The following ADGRV1 variants were observed in gnomAD, a reference collection of about 807,000 sequenced individuals.
ADGRV1 encodes the protein G-protein coupled receptor 98.
Under a neutral mutation model 596.2 loss-of-function variants are expected in ADGRV1, and 359 were observed. That is an observed-to-expected ratio of 0.60 (90% CI 0.55 to 0.66). ADGRV1 has a LOEUF of 0.66. ADGRV1 is among the 30% of genes least tolerant of loss of function. ADGRV1 has a pLI of 0.00. For missense variants in ADGRV1, 7,274 were observed against 7,575.6 expected, an observed-to-expected ratio of 0.96 and a Z score of 1.48; for synonymous variants, 2,681 against 2,679.2, an observed-to-expected ratio of 1.00 and a Z score of -0.02.
rs1205045881 is a variant in ADGRV1 at position 91,134,194 on chromosome 5, T to C, written c.18433-15836T>C. Among the ~76,000 whole-genome samples the C allele has an allele frequency of 1.3e-4, 20 of 151,932 alleles. 1 individual carries two copies. Among genetic ancestry groups the C allele is most frequent in the Admixed American group, 1.3e-3 (20 of 15,250 alleles). On this transcript the variant is annotated intron_variant, in intron 87 of 89. Coordinates refer to ENST00000405460, the MANE Select transcript of ADGRV1 (RefSeq NM_032119.4). ...GGAATGACCTGCTGTTTCTTTCTTT[T>C]TTTTTTTTTTAAAGACAGAGTCACA...
chr5:90,574,542 C>G (rs1169983150), intron 1 of ADGRV1, among the ~76,000 whole-genome samples: 2 of 151,994 alleles, frequency 1.3e-5, no homozygotes, highest in African/African-American at 4.8e-5. Context: ...TTCTAGGAGC[C>G]TTTTTGTGGA....
intron 85 of ADGRV1, among the ~76,000 whole-genome samples, chr5:91,070,986 G>A (rs1015945061): frequency 2.0e-5 from 3 of 152,132 alleles, no homozygotes; most frequent in Non-Finnish European, 2.9e-5. Flanking sequence ...GTTTCCAAAG[G>A]ATTCTGGAGC....
Position 90,683,642 on chromosome 5 carries a change from T to A in ADGRV1, c.5721T>A (p.Ser1907=). 1.9e-6 allele frequency: 3 copies of A among 1,612,880 alleles called. No homozygotes were observed. Among genetic ancestry groups the A allele is most frequent in the Non-Finnish European group, 2.5e-6 (3 of 1,179,026 alleles). ...SPVTLHWNID[S]DPDGDLAFTS... ...TGACTTTGCATTGGAACATAGACTCTGATCCTGATGGTGATCTCGCCTTCA... is the reference window on the plus strand; with the variant it reads ...TGACTTTGCATTGGAACATAGACTCAGATCCTGATGGTGATCTCGCCTTCA... Residue 1907 remains serine, a synonymous_variant, in exon 28 of 90, where the codon TCT becomes TCA. Coordinates refer to ENST00000405460, the MANE Select transcript of ADGRV1 (RefSeq NM_032119.4).
intron 70 of ADGRV1, among the ~76,000 whole-genome samples, chr5:90,798,199 G>T (rs1167862865): frequency 1.3e-5 from 2 of 152,080 alleles, no homozygotes; most frequent in East Asian, 3.9e-4. Flanking sequence ...AAGAAGAAAA[G>T]AGAGAAGAAT....
intron 87 of ADGRV1, among the ~76,000 whole-genome samples, chr5:91,123,987 C>T (rs1357406303): frequency 6.6e-6 from 1 of 152,068 alleles, no homozygotes; most frequent in Non-Finnish European, 1.5e-5. Context: ...GAGCGAAGGG[C>T]AGGCCAGTGG....
intron 1 of ADGRV1, among the ~76,000 whole-genome samples, chr5:90,588,156 C>T (rs559254778): frequency 1.1e-4 from 17 of 152,134 alleles, no homozygotes; most frequent in Non-Finnish European, 1.3e-4. Context: ...TATTCAGTTG[C>T]TTTATTTCAG....
intron 85 of ADGRV1, among the ~76,000 whole-genome samples, chr5:91,051,750 C>T (rs537365880): frequency 3.3e-5 from 5 of 151,594 alleles, no homozygotes; most frequent in African/African-American, 7.3e-5. Flanking sequence ...GGTTTCACGA[C>T]GTTAGCCAGG....
At chr5:90,896,573 C>A (rs1184770398) in intron 83 of ADGRV1, among the ~76,000 whole-genome samples, 2 of 151,948 alleles carry the variant, frequency 1.3e-5, no homozygotes, top group Non-Finnish European at 2.9e-5. Context: ...CTGCACCTGG[C>A]TGATTTGTTA....
In ADGRV1 at chr5:91,033,971, C is replaced by G. The variant is rs1671116875; in HGVS notation, c.18153-38476C>G. ...TTATTCAGAGACATTGTTCATTTAA[C>G]ATTTCTTTTTCTCTTATTTAAAGTC... On this transcript the variant is annotated intron_variant, in intron 85 of 89. Transcript: ENST00000405460. Among the ~76,000 whole-genome samples, 3 of 152,228 alleles carry G rather than the reference C, an allele frequency of 2.0e-5. No homozygotes were observed. The South Asian group carries it at 6.2e-4, about 32-fold the overall frequency.
In ADGRV1 at chr5:90,755,667, A is replaced by G. The variant is rs191423025; in HGVS notation, c.11580+482A>G. 2.6e-3 allele frequency among the ~76,000 whole-genome samples: 395 copies of G among 151,646 alleles called. 3 individuals are homozygous for G. The highest frequency in any genetic ancestry group is 9.0e-3 in the African/African-American group (371 of 41,174). ...TATTTATCCATGTATGTATGGAGAG[A>G]GAGAGAAGAACAGAGAAAGAGAGGG... On this transcript the variant is annotated intron_variant, in intron 55 of 89. Coordinates refer to ENST00000405460, the MANE Select transcript of ADGRV1 (RefSeq NM_032119.4).
chr5:90,812,758 G>A (rs760840819), intron 74 of ADGRV1, among the ~76,000 whole-genome samples: 4 of 152,078 alleles, frequency 2.6e-5, no homozygotes, highest in Non-Finnish European at 4.4e-5. Context: ...GAAGTGTGTT[G>A]TAAATTCTTA....
chr5:90,705,423 C>T lies in ADGRV1; in HGVS notation c.8410C>T (p.Leu2804=), dbSNP rs754923357. Residue 2804 remains leucine, a synonymous_variant, in exon 37 of 90, where the codon CTG becomes TTG. Transcript: ENST00000405460. Reference sequence around the variant, plus strand: ...AGGAGTTCCACCAGCCGGAATCGCCCTGCTTGATGCTCAAGGATATGCAGC... The same window carrying T: ...AGGAGTTCCACCAGCCGGAATCGCCTTGCTTGATGCTCAAGGATATGCAGC... ...TQGVPPAGIA[L]LDAQGYAAVL... is the part of the protein sequence containing the mutation. 6.2e-7 allele frequency: 1 copy of T among 1,613,776 alleles called. No individual in the cohort carries two copies. The highest frequency in any genetic ancestry group is 1.1e-5 in the South Asian group (1 of 91,054).
At chr5:90,821,173 C>T (rs1199429154) in intron 75 of ADGRV1, among the ~76,000 whole-genome samples, 1 of 151,614 alleles carries the variant, frequency 6.6e-6, no homozygotes, top group Non-Finnish European at 1.5e-5. Context: ...ATTTCATCTT[C>T]CATTGCTGAT....
chr5:90,986,851 A>G (rs867206865), intron 85 of ADGRV1, among the ~76,000 whole-genome samples: 1 of 152,154 alleles, frequency 6.6e-6, no homozygotes, highest in Non-Finnish European at 1.5e-5. Context: ...GTGATATGCA[A>G]AGTAACCACG....
At chr5:91,034,861 C>T (rs777638957) in intron 85 of ADGRV1, among the ~76,000 whole-genome samples, 7 of 152,312 alleles carry the variant, frequency 4.6e-5, no homozygotes, top group Non-Finnish European at 1.0e-4. Flanking sequence ...TCATAGCGCA[C>T]TGCAGCCTCA....
intron 2 of ADGRV1, among the ~76,000 whole-genome samples, chr5:90,616,112 A>G (rs1763335226): frequency 6.6e-6 from 1 of 152,012 alleles, no homozygotes; most frequent in Non-Finnish European, 1.5e-5. Context: ...ATATTTTCCA[A>G]CACCCTTCAC....
chr5:90,816,864 A>G (rs1762948555), intron 75 of ADGRV1, among the ~76,000 whole-genome samples: 2 of 152,018 alleles, frequency 1.3e-5, no homozygotes, highest in South Asian at 4.2e-4. Context: ...TAGTGCCGCA[A>G]TAAACATACG....
At chr5:91,151,631 G>A (rs1796067726) in intron 88 of ADGRV1, among the ~76,000 whole-genome samples, 1 of 152,176 alleles carries the variant, frequency 6.6e-6, no homozygotes, top group African/African-American at 2.4e-5. Flanking sequence ...TGGTTGCTCA[G>A]TCCAGCATTT....
intron 84 of ADGRV1, among the ~76,000 whole-genome samples, chr5:90,976,689 G>A (rs982655113): frequency 6.6e-6 from 1 of 152,044 alleles, no homozygotes; most frequent in Non-Finnish European, 1.5e-5. Context: ...ATATGATATA[G>A]GTAAGCAGAC....
Sources: allele counts gnomAD v4.1 joint callset (sites outside exome capture counted in the v4.1 genomes callset), GRCh38; gene constraint gnomAD v4.1.1; transcripts MANE v1.5; gene names NCBI Gene and HGNC (gene_info 2026-07-23, HGNC 2026-07-21).